CTNNA2: variants seen among roughly 807,000 people sequenced by gnomAD.
CTNNA2 encodes catenin alpha-2.
CTNNA2 carries 42 observed loss-of-function variants against 101.0 expected under a neutral mutation model. The observed-to-expected ratio is 0.42, with a 90% CI of 0.32 to 0.54. CTNNA2 has a LOEUF of 0.54. Ranked by LOEUF, CTNNA2 falls within the 20% of genes least tolerant of loss-of-function variation. The pLI, the probability that CTNNA2 is intolerant of heterozygous loss-of-function variation, is 0.14. For missense variants in CTNNA2, 871 were observed against 1,223.1 expected, an observed-to-expected ratio of 0.71 and a Z score of 4.29; for synonymous variants, 450 against 456.4, an observed-to-expected ratio of 0.99 and a Z score of 0.18.
intron 8 of CTNNA2, 139 bp downstream of exon 8, chr2:80,393,430 A>G: frequency 3.2e-6 from 2 of 618,662 alleles, no homozygotes; most frequent in Admixed American, 3.4e-5. Flanking sequence ...TAAAAACCCC[A>G]TTTTATCGGC....
intron 7 of CTNNA2, among the ~76,000 whole-genome samples, chr2:79,912,238 A>G (rs1685852477): frequency 6.6e-6 from 1 of 152,230 alleles, no homozygotes; most frequent in Admixed American, 6.5e-5. Context: ...CACTTACACA[A>G]TGCTTGCTTG....
chr2:79,702,587 G>A (rs759255673), intron 2 of CTNNA2, among the ~76,000 whole-genome samples: 1 of 152,170 alleles, frequency 6.6e-6, no homozygotes, highest in African/African-American at 2.4e-5. Context: ...AGTAACTAAA[G>A]GGTTTTAAGT....
At chr2:79,514,499 C>T (rs1671702326) in intron 1 of CTNNA2, 1 of 152,210 alleles carries the variant, frequency 6.6e-6, no homozygotes, top group Admixed American at 6.5e-5. Context: ...TTTTACATCA[C>T]TTATTTTCAC....
intron 9 of CTNNA2, among the ~76,000 whole-genome samples, chr2:80,541,053 T>G (rs1467074951): frequency 2.0e-5 from 3 of 152,130 alleles, no homozygotes; most frequent in African/African-American, 7.2e-5. Context: ...GCTGATGAAA[T>G]TCTAGAAATC....
At chr2:79,280,416 C>A (rs1267767627) in intron 2 of CTNNA2, among the ~76,000 whole-genome samples, 1 of 152,056 alleles carries the variant, frequency 6.6e-6, no homozygotes, top group South Asian at 2.1e-4. Context: ...TTTCTGCAAG[C>A]AAGCAAACAG....
intron 7 of CTNNA2, among the ~76,000 whole-genome samples, chr2:79,991,808 A>G (rs567704726): frequency 1.3e-5 from 2 of 152,218 alleles, no homozygotes; most frequent in South Asian, 2.1e-4. Context: ...AGCCTGTGAC[A>G]TGTCAGTGTT....
chr2:80,602,883 T>C (rs540304285), intron 15 of CTNNA2, among the ~76,000 whole-genome samples: 55 of 152,240 alleles, frequency 3.6e-4, no homozygotes, highest in African/African-American at 1.2e-3. Context: ...ATTTTACTTA[T>C]ACTGACTAAT....
intron 1 of CTNNA2, among the ~76,000 whole-genome samples, chr2:79,186,934 G>A (rs911457490): frequency 2.0e-5 from 3 of 152,154 alleles, no homozygotes; most frequent in Non-Finnish European, 4.4e-5. Flanking sequence ...TTCAGTAAGT[G>A]TCCACCACAG....
intron 18 of CTNNA2, among the ~76,000 whole-genome samples, chr2:80,628,299 C>T (rs1286084277): frequency 2.0e-5 from 3 of 151,942 alleles, no homozygotes; most frequent in Non-Finnish European, 4.4e-5. Context: ...AAAGAGCCCA[C>T]ATAGCCAAGA....
At chr2:80,366,093 A>G (rs1267697074) in intron 7 of CTNNA2, among the ~76,000 whole-genome samples, 2 of 152,160 alleles carry the variant, frequency 1.3e-5, no homozygotes, top group Non-Finnish European at 2.9e-5. Context: ...AGAACACTTA[A>G]CATCCCAAAT....
At chr2:80,362,691 C>G (rs1674527389) in intron 7 of CTNNA2, among the ~76,000 whole-genome samples, 2 of 152,080 alleles carry the variant, frequency 1.3e-5, no homozygotes, top group South Asian at 4.1e-4. Flanking sequence ...AAAAATGTGT[C>G]AGCTCTACAT....
intron 7 of CTNNA2, among the ~76,000 whole-genome samples, chr2:80,229,079 A>G (rs1340475312): frequency 2.0e-5 from 3 of 152,188 alleles, no homozygotes; most frequent in Admixed American, 6.5e-5. Context: ...AGATTTTTCC[A>G]TGTCACAATT....
intron 12 of CTNNA2, among the ~76,000 whole-genome samples, chr2:80,573,601 A>T (rs1272360673): frequency 6.6e-6 from 1 of 152,034 alleles, no homozygotes; most frequent in African/African-American, 2.4e-5. Flanking sequence ...GTATCATTTC[A>T]TCCACATTTG....
intron 2 of CTNNA2, among the ~76,000 whole-genome samples, chr2:79,705,542 G>T (rs532466292): frequency 6.6e-6 from 1 of 151,868 alleles, no homozygotes; most frequent in East Asian, 2.0e-4. Flanking sequence ...AAACTCAGGA[G>T]TTTTTCCAAA....
chr2:79,253,312 CT>C (rs1202212137), intron 2 of CTNNA2, among the ~76,000 whole-genome samples: 1 of 152,106 alleles, frequency 6.6e-6, no homozygotes, highest in African/African-American at 2.4e-5. Flanking sequence ...GAAATGAGCT[CT>C]GAATACATTG....
intron 3 of CTNNA2, among the ~76,000 whole-genome samples, chr2:79,755,619 T>A (rs1466079217): frequency 6.6e-6 from 1 of 152,194 alleles, no homozygotes; most frequent in African/African-American, 2.4e-5. Flanking sequence ...TTCATCTTGA[T>A]AAGTCTAGCC....
chr2:79,644,091 G>T (rs901558742), intron 1 of CTNNA2, among the ~76,000 whole-genome samples: 1 of 152,048 alleles, frequency 6.6e-6, no homozygotes, highest in East Asian at 1.9e-4. Flanking sequence ...AGGCTGGAGC[G>T]CAGTGGCATA....
At chr2:79,333,530 A>G (rs13420654) in intron 3 of CTNNA2, among the ~76,000 whole-genome samples, 5,798 of 152,244 alleles carry the variant, frequency 0.038, 254 homozygotes, top group African/African-American at 0.11. Flanking sequence ...GCTTTGAAGG[A>G]CACAGTTTAT....
At chr2:80,520,814 T>C (rs1689481022) in intron 9 of CTNNA2, among the ~76,000 whole-genome samples, 1 of 152,134 alleles carries the variant, frequency 6.6e-6, no homozygotes, top group Admixed American at 6.5e-5. Context: ...CCACATTGAT[T>C]CGGTGAAAAG....
Sources: gnomAD v4.1 joint callset for allele counts (sites outside exome capture counted in the v4.1 genomes callset) on GRCh38, gnomAD v4.1.1 for gene constraint, MANE v1.5 for transcripts, NCBI Gene and HGNC (gene_info 2026-07-23, HGNC 2026-07-21) for gene names.